The following DMTF1 variants were observed in gnomAD, a reference collection of about 807,000 sequenced individuals.
DMTF1 encodes the protein cyclin D binding myb like transcription factor 1, also known as cyclin-D-binding Myb-like transcription factor 1.
A neutral mutation model predicts 91.1 loss-of-function variants in DMTF1; 39 were observed. That is an observed-to-expected ratio of 0.43 (90% CI 0.33 to 0.56). The LOEUF is 0.56. Ranked by LOEUF, DMTF1 falls within the 20% of genes least tolerant of loss-of-function variation. DMTF1 has a pLI of 0.05. For synonymous variants in DMTF1, 338 were observed against 309.5 expected (o/e 1.09, Z -0.97); for missense variants, 750 against 914.5 (o/e 0.82, Z 2.32).
At chr7:87,167,365 T>C (rs530765599) in intron 4 of DMTF1, among the ~76,000 whole-genome samples, 1 of 152,354 alleles carries the variant, frequency 6.6e-6, no homozygotes, top group East Asian at 1.9e-4. Flanking sequence ...GTTGTATTTC[T>C]GATTTGCTTA....
intron 14 of DMTF1, among the ~76,000 whole-genome samples, chr7:87,191,306 T>A (rs1339705882): frequency 6.6e-6 from 1 of 152,162 alleles, no homozygotes; most frequent in Non-Finnish European, 1.5e-5. Flanking sequence ...ATTGGTTATT[T>A]GAGAAAGTCT....
chr7:87,156,720 T>G (rs1235060083), intron 1 of DMTF1, among the ~76,000 whole-genome samples: 1 of 152,174 alleles, frequency 6.6e-6, no homozygotes, highest in African/African-American at 2.4e-5. Flanking sequence ...TCCACTAAGA[T>G]TTTCTACTAA....
Position 87,184,638 on chromosome 7 carries a change from A to C in DMTF1, c.1049+13A>C. On this transcript the variant is annotated intron_variant, in intron 11 of 17. Coordinates refer to ENST00000331242, the MANE Select transcript of DMTF1 (RefSeq NM_001142327.2). ...ATCTCATCCTCAGGTTTGTGTCCTGAATCTTGTAATGACAAAAGCAACTTA... is the reference window on the plus strand; with the variant it reads ...ATCTCATCCTCAGGTTTGTGTCCTGCATCTTGTAATGACAAAAGCAACTTA... 1 of 1,608,652 alleles carries C rather than the reference A, an allele frequency of 6.2e-7. No individual in the cohort carries two copies. Among genetic ancestry groups the C allele is most frequent in the South Asian group, 1.1e-5 (1 of 90,744 alleles).
intron 12 of DMTF1, 40 bp downstream of exon 12, chr7:87,186,020 T>TA: frequency 6.2e-7 from 1 of 1,608,104 alleles, no homozygotes. Flanking sequence ...CCCCTTTTCT[T>TA]ACCATATTTA....
chr7:87,189,236 T>G (rs770868539), intron 13 of DMTF1, among the ~76,000 whole-genome samples: 1 of 152,146 alleles, frequency 6.6e-6, no homozygotes, highest in Non-Finnish European at 1.5e-5. Context: ...CACATATTGG[T>G]GTTTAACACC....
chr7:87,160,214 G>C (rs1322740998), intron 1 of DMTF1, among the ~76,000 whole-genome samples: 1 of 151,492 alleles, frequency 6.6e-6, no homozygotes, highest in East Asian at 1.9e-4. Flanking sequence ...GATTGCACTT[G>C]GTCCTTTTGT....
chr7:87,163,304 C>T (rs1792985517), intron 1 of DMTF1, 191 bp from the exon 2 acceptor site: 1 of 149,736 alleles, frequency 6.7e-6, no homozygotes. Context: ...GTCATCATTT[C>T]TGTCCTTCAT....
At chr7:87,163,120 CTAA>C (rs1341320512) in intron 1 of DMTF1, 1 of 151,520 alleles carries the variant, frequency 6.6e-6, no homozygotes, top group African/African-American at 2.4e-5. Context: ...ACTATAGTTA[CTAA>C]TAATATTTAT....
chr7:87,159,876 A>G (rs564147491), intron 1 of DMTF1, among the ~76,000 whole-genome samples: 1 of 152,378 alleles, frequency 6.6e-6, no homozygotes, highest in African/African-American at 2.4e-5. Flanking sequence ...CAGTAAAAAT[A>G]TAGTGGTATA....
chr7:87,179,621 T>C lies in DMTF1; in HGVS notation c.596T>C (p.Ile199Thr). ...KDERKDFYRT[I>T]AWGLNRPLFA... Reference sequence around the variant, plus strand: ...GAAAGAAAAGATTTCTACAGGACTATAGCATGGGGTCTGAACCGGCCTTTG... The same window carrying C: ...GAAAGAAAAGATTTCTACAGGACTACAGCATGGGGTCTGAACCGGCCTTTG... The change falls in exon 8 of 18, where the codon ATA becomes ACA. Residue 199 changes from isoleucine (I) to threonine (T), a missense_variant. This residue lies in a region of DMTF1 where 190 missense variants were observed against 343.8 expected (regional missense o/e 0.55). Transcript: ENST00000331242. The C allele has an allele frequency of 1.3e-6, 2 of 1,584,086 alleles. No homozygotes were observed. Among genetic ancestry groups the C allele is most frequent in the Non-Finnish European group, 8.5e-7 (1 of 1,170,350 alleles).
chr7:87,155,367 C>T (rs1562765739), intron 1 of DMTF1: 1 of 151,726 alleles, frequency 6.6e-6, no homozygotes, highest in Non-Finnish European at 1.5e-5. Context: ...TTTTAATAGT[C>T]CATTTTTTTT....
At chr7:87,185,778 C>T (rs1243354616) in intron 11 of DMTF1, 51 bp from the exon 12 acceptor site, 4 of 1,603,360 alleles carry the variant, frequency 2.5e-6, no homozygotes, top group Middle Eastern at 1.7e-4. Context: ...AGGAGGGGTT[C>T]TTATAGAGAA....
chr7:87,184,998 A>G (rs1469340752), intron 11 of DMTF1: 3 of 412,836 alleles, frequency 7.3e-6, no homozygotes, highest in Non-Finnish European at 1.4e-5. Context: ...TTCAGTCTCC[A>G]TGCCCTTCAA....
At chr7:87,153,815 C>T (rs538809296) in intron 1 of DMTF1, among the ~76,000 whole-genome samples, 1 of 152,110 alleles carries the variant, frequency 6.6e-6, no homozygotes, top group Non-Finnish European at 1.5e-5. Context: ...GGGAGAAAAC[C>T]ATTTGTAGCT....
At chr7:87,194,587 G>T in intron 16 of DMTF1, 97 bp from the exon 17 acceptor site, 3 of 790,820 alleles carry the variant, frequency 3.8e-6, no homozygotes, top group South Asian at 2.4e-5. Context: ...TTTTTAAATG[G>T]GTTATGTTTA....
chr7:87,184,792 T>G, intron 11 of DMTF1, 167 bp downstream of exon 11: 1 of 732,988 alleles, frequency 1.4e-6, no homozygotes, highest in Non-Finnish European at 2.4e-6. Flanking sequence ...TCTTTTTTTG[T>G]GTTGTGTTTG....
chr7:87,170,669 C>T (rs957612216), intron 4 of DMTF1, among the ~76,000 whole-genome samples: 2 of 152,150 alleles, frequency 1.3e-5, no homozygotes, highest in African/African-American at 4.8e-5. Context: ...ATTCCCTTTC[C>T]TGTTAGGTTT....
At chr7:87,178,112 CATGGT>C (rs1488345821) in intron 7 of DMTF1, among the ~76,000 whole-genome samples, 2 of 152,096 alleles carry the variant, frequency 1.3e-5, no homozygotes, top group African/African-American at 2.4e-5. Context: ...TGTTTAAGAA[CATGGT>C]ATAACTTCAT....
rs376820681 is a variant in DMTF1 at position 87,194,826 on chromosome 7, C to G, written c.2171C>G (p.Thr724Arg). 2.5e-6 allele frequency: 4 copies of G among 1,608,504 alleles called. No homozygotes were observed. The highest frequency in any genetic ancestry group is 3.4e-6 in the Non-Finnish European group (4 of 1,177,460). Residue 724 changes from threonine (T) to arginine (R), a missense_variant and splice_region_variant, in exon 17 of 18, where the codon ACA (threonine) becomes AGA (arginine). Coordinates refer to ENST00000331242, the MANE Select transcript of DMTF1 (RefSeq NM_001142327.2). ...TCTGTCTTGCCTTTGACAACACTAA[C>G]AGGTACTGTAATATAATACTTACTA... ...TESVLPLTTL[T>R]DPILQHHQEE...
Sources: gnomAD v4.1 joint callset for allele counts (sites outside exome capture counted in the v4.1 genomes callset) on GRCh38, gnomAD v4.1.1 for gene constraint, gnomAD v4.1.1 regional missense constraint, MANE v1.5 for transcripts, NCBI Gene and HGNC (gene_info 2026-07-23, HGNC 2026-07-21) for gene names.